The following ILRUN variants were observed in gnomAD, a reference collection of about 807,000 sequenced individuals.
The protein encoded by ILRUN is inflammation and lipid regulator with UBA-like and NBR1-like domains.
ILRUN carries 3 observed loss-of-function variants against 33.8 expected under a neutral mutation model. The observed-to-expected ratio is 0.09, with a 90% CI of 0.04 to 0.23. The LOEUF is 0.23. Among genes scored for constraint, ILRUN ranks in the 10% least tolerant of loss-of-function variants. The pLI is 1.00. For missense variants in ILRUN, 210 were observed against 375.1 expected (o/e 0.56, Z 3.64); for synonymous variants, 124 against 138.9 (o/e 0.89, Z 0.75).
intron 1 of ILRUN, among the ~76,000 whole-genome samples, chr6:34,690,181 C>T (rs1299312054): frequency 6.6e-6 from 1 of 152,150 alleles, no homozygotes; most frequent in African/African-American, 2.4e-5. Flanking sequence ...AAAATGCGGG[C>T]CGGGCATGGT....
rs1271904737 is a variant in ILRUN, at chr6:34,590,374, A to G, written c.*191T>C. The G allele has an allele frequency of 1.8e-5, 11 of 594,902 alleles. No homozygotes were observed. In the East Asian group the frequency reaches 3.4e-4, roughly 19 times the overall value. The allele number at this position is 594,902 out of a possible 1,614,324, so 36.9% of individuals were successfully genotyped here. On this transcript the variant is annotated 3_prime_UTR_variant, in exon 5 of 5. Transcript: ENST00000374023. Reference sequence around the variant, plus strand: ...AGCCTCAACACCATTCCTGTGATTCAGCATTCACACATGCATACTGAGTTT... The same window carrying G: ...AGCCTCAACACCATTCCTGTGATTCGGCATTCACACATGCATACTGAGTTT...
intron 3 of ILRUN, among the ~76,000 whole-genome samples, chr6:34,640,703 C>T (rs2814988): frequency 0.45 from 67,313 of 151,030 alleles, 16,981 homozygotes; most frequent in African/African-American, 0.7. Flanking sequence ...AGCGAGACTC[C>T]GTCTCAAATA....
intron 1 of ILRUN, among the ~76,000 whole-genome samples, chr6:34,658,488 T>C (rs1257492749): frequency 7.1e-6 from 1 of 140,932 alleles, no homozygotes; most frequent in Non-Finnish European, 1.5e-5. Flanking sequence ...ATTTTTCTTT[T>C]TCTTTTTTTT....
intron 1 of ILRUN, among the ~76,000 whole-genome samples, chr6:34,687,529 T>C (rs1054327840): frequency 1.3e-5 from 2 of 151,582 alleles, no homozygotes; most frequent in Non-Finnish European, 2.9e-5. Context: ...ACCCCGTCTC[T>C]ACTAAAAATA....
chr6:34,678,727 C>T (rs1485601129), intron 1 of ILRUN, among the ~76,000 whole-genome samples: 15 of 149,622 alleles, frequency 1.0e-4, no homozygotes, highest in African/African-American at 1.2e-4. Flanking sequence ...TGGTGGCAGG[C>T]GCCTGTAGTC....
At chr6:34,683,515 C>CATATATATGTGTATAT (rs1763450265) in intron 1 of ILRUN, among the ~76,000 whole-genome samples, 1 of 76,326 alleles carries the variant, frequency 1.3e-5, no homozygotes, top group Non-Finnish European at 2.4e-5. Context: ...TATATATATA[C>CATATATATGTGTATAT]ATATATATAT....
rs199961595 is a variant in ILRUN at position 34,620,089 on chromosome 6, G to GA, written c.512-13186dup. 3.0e-4 allele frequency among the ~76,000 whole-genome samples: 45 copies of GA among 151,396 alleles called. No individual in the cohort carries two copies. In the East Asian group the frequency reaches 7.9e-3, roughly 27 times the overall value. ...ATACATTTGCTAGTGTTTGCTAAAA[G>GA]AAAAAAACAATGAATAAAAATGAGT... On this transcript the variant is annotated intron_variant, in intron 3 of 4. Transcript: ENST00000374023.
At chr6:34,664,344 C>T (rs79181288) in intron 1 of ILRUN, among the ~76,000 whole-genome samples, 2 of 151,956 alleles carry the variant, frequency 1.3e-5, no homozygotes, top group Non-Finnish European at 2.9e-5. Context: ...TGGGGTTTTG[C>T]GGGTTTTTTG....
At chr6:34,648,896 C>T (rs1227751497) in intron 2 of ILRUN, among the ~76,000 whole-genome samples, 1 of 152,176 alleles carries the variant, frequency 6.6e-6, no homozygotes, top group Non-Finnish European at 1.5e-5. Flanking sequence ...TAAACCAAGA[C>T]TGCATGTGAA....
rs957253879 is a variant in ILRUN, at chr6:34,588,090, T to C, written c.*2475A>G. On this transcript the variant is annotated 3_prime_UTR_variant, in exon 5 of 5. Transcript: ENST00000374023. ...CCCATACCAGTGAGGGGAGAGAGAA[T>C]GAATGATACTGATACCCTCCCTGGG... is the stretch of plus-strand genomic sequence containing the variant. The C allele has an allele frequency of 7.5e-6, 3 of 398,620 alleles. No individual in the cohort carries two copies. The highest frequency in any genetic ancestry group is 1.3e-5 in the Non-Finnish European group (3 of 226,100). The allele number at this position is 398,620 out of a possible 1,614,324, so 24.7% of individuals were successfully genotyped here. A position where few individuals can be genotyped will look rare whatever the true frequency, so the allele number is the denominator to read the frequency against.
chr6:34,613,144 G>T (rs186871332), intron 3 of ILRUN, among the ~76,000 whole-genome samples: 7 of 152,244 alleles, frequency 4.6e-5, no homozygotes, highest in Admixed American at 4.6e-4. Flanking sequence ...CTAAGAGGAG[G>T]TGGAGGTTGC....
chr6:34,682,261 T>TG lies in ILRUN; in HGVS notation c.158+14184_158+14185insC, dbSNP rs1447324153. Among the ~76,000 whole-genome samples the TG allele has an allele frequency of 3.0e-4, 29 of 96,592 alleles. 1 individual carries two copies. In the East Asian group the frequency reaches 7.1e-3, roughly 24 times the overall value. The allele number at this position is 96,592 out of a possible 152,430, so 63.4% of individuals were successfully genotyped here. On this transcript the variant is annotated intron_variant, in intron 1 of 4. Coordinates refer to ENST00000374023, the MANE Select transcript of ILRUN (RefSeq NM_024294.4). The stretch of plus-strand genomic sequence containing the variant: ...CTCCCTGCAACCTCTGTTTTTTTTT[T>TG]TTTTTTTTTTTTTTTTGAGACAGTC...
chr6:34,692,032 C>A (rs191258914), intron 1 of ILRUN, among the ~76,000 whole-genome samples: 53 of 152,312 alleles, frequency 3.5e-4, no homozygotes, highest in African/African-American at 1.3e-3. Context: ...AGCACAATCA[C>A]AGCTCACTGC....
At chr6:34,625,679 C>A (rs775384757) in intron 3 of ILRUN, among the ~76,000 whole-genome samples, 16 of 152,152 alleles carry the variant, frequency 1.1e-4, no homozygotes, top group African/African-American at 4.8e-5. Context: ...TGCCCACCTT[C>A]TTTCAGTTTA....
In ILRUN at chr6:34,590,092, G is replaced by C. The variant is rs1340269434; in HGVS notation, c.*473C>G. On this transcript the variant is annotated 3_prime_UTR_variant, in exon 5 of 5. Transcript: ENST00000374023. ...AACATGCCACGCCAACTTTTCACCT[G>C]AATCTCTTCCAGAACAAGCACTATT... 1 of 158,694 alleles carries C rather than the reference G, an allele frequency of 6.3e-6. No individual in the cohort carries two copies. Among genetic ancestry groups the C allele is most frequent in the Non-Finnish European group, 1.4e-5 (1 of 71,390 alleles). 9.8% of individuals were successfully genotyped at this position (158,694 alleles called of 1,614,324 possible). A position where few individuals can be genotyped will look rare whatever the true frequency, so the allele number is the denominator to read the frequency against.
Position 34,590,308 on chromosome 6 carries a change from T to A in ILRUN, c.*257A>T, listed in dbSNP as rs1761270395. On this transcript the variant is annotated 3_prime_UTR_variant, in exon 5 of 5. Coordinates refer to ENST00000374023, the MANE Select transcript of ILRUN (RefSeq NM_024294.4). The stretch of plus-strand genomic sequence containing the variant: ...CCTAATGACTTGTTAGACTGATGCC[T>A]ATAACAAAACCCAAAGTGGCTGCAT... The A allele has an allele frequency of 6.0e-6, 2 of 334,398 alleles. No individual in the cohort carries two copies. Among genetic ancestry groups the A allele is most frequent in the South Asian group, 1.6e-4 (2 of 12,454 alleles). 20.7% of individuals were successfully genotyped at this position (334,398 alleles called of 1,614,324 possible).
chr6:34,661,737 AGTTT>A (rs1762889886), intron 1 of ILRUN, among the ~76,000 whole-genome samples: 1 of 152,198 alleles, frequency 6.6e-6, no homozygotes. Flanking sequence ...GTTTGAAGTA[AGTTT>A]GTTACTTTCA....
chr6:34,656,336 A>G (rs1762771098), intron 1 of ILRUN, among the ~76,000 whole-genome samples: 1 of 151,758 alleles, frequency 6.6e-6, no homozygotes, highest in Non-Finnish European at 1.5e-5. Context: ...ATCCCCTTTC[A>G]TCAGAAGGAA....
At chr6:34,617,286 C>A in intron 3 of ILRUN, 1 of 349,782 alleles carries the variant, frequency 2.9e-6, no homozygotes. Flanking sequence ...TTTTTCTAAT[C>A]TAGTCAGTTA....
Sources: gnomAD v4.1 joint callset for allele counts (sites outside exome capture counted in the v4.1 genomes callset) on GRCh38, gnomAD v4.1.1 for gene constraint, MANE v1.5 for transcripts, NCBI Gene and HGNC (gene_info 2026-07-23, HGNC 2026-07-21) for gene names.